Variants in DDX10 observed in about 807,000 individuals in gnomAD.
The protein encoded by DDX10 is DEAD-box helicase 10.
Under a neutral mutation model 104.3 loss-of-function variants are expected in DDX10, and 74 were observed. The ratio of observed to expected loss-of-function variants is 0.71; its 90% CI spans 0.59 to 0.86. The LOEUF is 0.86. Among genes scored for constraint, DDX10 ranks in the 40% least tolerant of loss-of-function variants. The probability of loss-of-function intolerance (pLI) is 0.00; values close to 1 mark genes in which losing one functional copy is unlikely to be tolerated. For missense variants in DDX10, 952 were observed against 1,040.0 expected, an observed-to-expected ratio of 0.92 and a Z score of 1.16; for synonymous variants, 351 against 353.4, an observed-to-expected ratio of 0.99 and a Z score of 0.08.
intron 13 of DDX10, among the ~76,000 whole-genome samples, chr11:108,790,555 T>G (rs929438644): frequency 3.3e-5 from 5 of 152,220 alleles, no homozygotes; most frequent in African/African-American, 1.2e-4. Flanking sequence ...TGTTTTCAAA[T>G]GCATTCTCCC....
At chr11:108,739,929 TTTGTTG>T (rs1207634999) in intron 13 of DDX10, among the ~76,000 whole-genome samples, 2 of 152,028 alleles carry the variant, frequency 1.3e-5, no homozygotes, top group African/African-American at 4.8e-5. Flanking sequence ...ATTTTAGGGT[TTTGTTG>T]TTGTTGTTGT....
At chr11:108,857,457 C>T (rs1161120361) in intron 16 of DDX10, among the ~76,000 whole-genome samples, 1 of 152,122 alleles carries the variant, frequency 6.6e-6, no homozygotes, top group Non-Finnish European at 1.5e-5. Flanking sequence ...GGAACTACTC[C>T]CGTGGTCCCC....
At chr11:108,924,658 T>G (rs1863885272) in intron 17 of DDX10, among the ~76,000 whole-genome samples, 1 of 152,218 alleles carries the variant, frequency 6.6e-6, no homozygotes, top group Non-Finnish European at 1.5e-5. Context: ...ATGAACTGCT[T>G]TAACCACTGT....
chr11:108,797,844 A>G (rs1331945431), intron 13 of DDX10, among the ~76,000 whole-genome samples: 1 of 152,260 alleles, frequency 6.6e-6, no homozygotes, highest in African/African-American at 2.4e-5. Flanking sequence ...ACTGAAGAGC[A>G]GTAAGCTGGG....
At chr11:108,804,946 G>C (rs891714127) in intron 13 of DDX10, among the ~76,000 whole-genome samples, 2 of 152,120 alleles carry the variant, frequency 1.3e-5, no homozygotes, top group African/African-American at 4.8e-5. Flanking sequence ...GTGACATCTA[G>C]TCATCATGAC....
intron 16 of DDX10, among the ~76,000 whole-genome samples, chr11:108,904,152 C>T (rs1863557738): frequency 6.6e-6 from 1 of 151,868 alleles, no homozygotes; most frequent in African/African-American, 2.4e-5. Context: ...TATTTAAAAC[C>T]AGTGAGTTGG....
intron 13 of DDX10, among the ~76,000 whole-genome samples, chr11:108,726,695 T>C (rs1565259968): frequency 6.6e-6 from 1 of 152,080 alleles, no homozygotes; most frequent in South Asian, 2.1e-4. Context: ...CTTTTTCTTT[T>C]GCTTGATTTT....
chr11:108,800,874 C>T (rs1378379662), intron 13 of DDX10, among the ~76,000 whole-genome samples: 2 of 152,032 alleles, frequency 1.3e-5, no homozygotes, highest in African/African-American at 4.8e-5. Context: ...GATTGCTTGC[C>T]CAGGTGATGA....
At chr11:108,806,613 A>C (rs1862104329) in intron 13 of DDX10, among the ~76,000 whole-genome samples, 1 of 152,204 alleles carries the variant, frequency 6.6e-6, no homozygotes, top group African/African-American at 2.4e-5. Context: ...TGAAGGAAAT[A>C]AGCAGTGTGC....
intron 13 of DDX10, among the ~76,000 whole-genome samples, chr11:108,739,082 C>T (rs1032103651): frequency 1.3e-4 from 20 of 152,288 alleles, no homozygotes; most frequent in Middle Eastern, 3.4e-3. Context: ...CAGGGAGACA[C>T]TTTCTGTCTC....
At chr11:108,773,224 T>C (rs2094365614) in intron 13 of DDX10, among the ~76,000 whole-genome samples, 1 of 152,244 alleles carries the variant, frequency 6.6e-6, no homozygotes, top group Non-Finnish European at 1.5e-5. Context: ...GGAGTAAGAA[T>C]GGTTTCTCTC....
intron 16 of DDX10, among the ~76,000 whole-genome samples, chr11:108,879,827 A>G (rs1156469835): frequency 6.6e-6 from 1 of 152,138 alleles, no homozygotes; most frequent in Non-Finnish European, 1.5e-5. Flanking sequence ...AAGCCTTGTC[A>G]GAATGTCCCT....
intron 16 of DDX10, among the ~76,000 whole-genome samples, chr11:108,892,059 A>C (rs1377287138): frequency 6.6e-6 from 1 of 152,132 alleles, no homozygotes; most frequent in Non-Finnish European, 1.5e-5. Context: ...TAGTAGTCAG[A>C]ACAGGTGTTG....
At chr11:108,911,039 A>T (rs1863670264) in intron 16 of DDX10, among the ~76,000 whole-genome samples, 1 of 152,180 alleles carries the variant, frequency 6.6e-6, no homozygotes, top group Non-Finnish European at 1.5e-5. Flanking sequence ...GACATTTAGC[A>T]GGGCTTGTGG....
chr11:108,898,522 A>G (rs1863470227), intron 16 of DDX10, among the ~76,000 whole-genome samples: 1 of 152,164 alleles, frequency 6.6e-6, no homozygotes, highest in South Asian at 2.1e-4. Context: ...TGACACAGAA[A>G]GACAGAGACA....
chr11:108,751,447 C>T (rs969227211), intron 13 of DDX10, among the ~76,000 whole-genome samples: 2 of 152,118 alleles, frequency 1.3e-5, no homozygotes, highest in African/African-American at 4.8e-5. Context: ...TCAGTTCCTT[C>T]CATAACAAAA....
chr11:108,875,697 T>C (rs1282295445), intron 16 of DDX10, among the ~76,000 whole-genome samples: 4 of 152,192 alleles, frequency 2.6e-5, no homozygotes, highest in Admixed American at 2.6e-4. Context: ...ACATCTAATA[T>C]AATAACTAAG....
chr11:108,897,294 C>G (rs1422433780), intron 16 of DDX10, among the ~76,000 whole-genome samples: 1 of 152,058 alleles, frequency 6.6e-6, no homozygotes. Context: ...TCTCAGCTTC[C>G]CAGCTGACTC....
At chr11:108,704,890 C>T (rs1336338490) in intron 9 of DDX10, among the ~76,000 whole-genome samples, 1 of 152,098 alleles carries the variant, frequency 6.6e-6, no homozygotes, top group Non-Finnish European at 1.5e-5. Flanking sequence ...GTGCCTTATC[C>T]CATGGAAAAC....
Sources: allele counts gnomAD v4.1 joint callset (sites outside exome capture counted in the v4.1 genomes callset), GRCh38; gene constraint gnomAD v4.1.1; transcripts MANE v1.5; gene names NCBI Gene and HGNC (gene_info 2026-07-23, HGNC 2026-07-21).